Variants in CARS1 observed in about 807,000 individuals in gnomAD.
CARS1 encodes the protein cysteine--tRNA ligase, cytoplasmic.
CARS1 carries 48 observed loss-of-function variants against 106.2 expected under a neutral mutation model. That is an observed-to-expected ratio of 0.45 (90% CI 0.36 to 0.57). The LOEUF (loss-of-function observed/expected upper bound fraction) is 0.57, where lower values mean the gene tolerates loss of function less well. CARS1 is among the 20% of genes least tolerant of loss of function. CARS1 has a pLI of 0.00. For missense variants in CARS1, 968 were observed against 1,057.2 expected (o/e 0.92, Z 1.17); for synonymous variants, 409 against 403.4 (o/e 1.01, Z -0.17).
intron 10 of CARS1, 82 bp downstream of exon 10, chr11:3,026,594 G>T: frequency 2.7e-6 from 4 of 1,493,656 alleles, no homozygotes; most frequent in Non-Finnish European, 1.8e-6. Context: ...GCTCAGCGCA[G>T]CCCCCGTGGC....
At chr11:3,018,777 A>G (rs1319419405) in intron 12 of CARS1, 28 bp from the exon 13 acceptor site, 3 of 1,607,564 alleles carry the variant, frequency 1.9e-6, no homozygotes, top group Non-Finnish European at 2.6e-6. Flanking sequence ...AAGGATGTCA[A>G]CAGTCATGTG....
intron 16 of CARS1, among the ~76,000 whole-genome samples, chr11:3,016,715 G>A (rs1269680237): frequency 6.6e-6 from 1 of 152,036 alleles, no homozygotes; most frequent in Non-Finnish European, 1.5e-5. Context: ...CTGGGCTCAA[G>A]CGAGCCCCTC....
chr11:3,001,784 C>T (rs943039617), intron 22 of CARS1, among the ~76,000 whole-genome samples, 186 bp downstream of exon 22: 1 of 152,188 alleles, frequency 6.6e-6, no homozygotes, highest in African/African-American at 2.4e-5. Flanking sequence ...TGCCTAGCTG[C>T]CTGGGCTGTG....
In CARS1 at chr11:3,019,177, G is replaced by A. The variant is rs1198962798; in HGVS notation, c.1357C>T (p.Arg453Trp). ...AGCTCATTGTCATGGTGGGGGAACC[G>A]GAGGTCGAACCCACCTCCGTGAATG... is the stretch of plus-strand genomic sequence containing the variant. Reference protein sequence around the residue: ...MDIHGGGFDLRFPHHDNELAQ... With the variant: ...MDIHGGGFDLWFPHHDNELAQ... The change falls in exon 12 of 23, where the codon CGG becomes TGG. Residue 453 changes from arginine (R) to tryptophan (W), a missense_variant. Transcript: ENST00000380525. The surrounding 1 kb of genome is among the most constrained non-coding windows in gnomAD (Gnocchi z 6.2). 5 of 1,526,966 alleles carry A rather than the reference G, an allele frequency of 3.3e-6. No homozygotes were observed. The highest frequency in any genetic ancestry group is 1.3e-5 in the South Asian group (1 of 76,726). 94.6% of individuals were successfully genotyped at this position (1,526,966 alleles called of 1,614,324 possible). A position where few individuals can be genotyped will look rare whatever the true frequency, so the allele number is the denominator to read the frequency against.
rs2134151603 is a variant in CARS1 at position 3,019,508 on chromosome 11, A to G, written c.1267-241T>C. Among the ~76,000 whole-genome samples, 1 of 152,322 alleles carries G rather than the reference A, an allele frequency of 6.6e-6. No homozygotes were observed. Among genetic ancestry groups the G allele is most frequent in the South Asian group, 2.1e-4 (1 of 4,828 alleles). On this transcript the variant is annotated intron_variant, in intron 11 of 22. Transcript: ENST00000380525. This position sits in a 1 kb window ranked among gnomAD's most constrained non-coding sequence, Gnocchi z 6.2. ...CAGGAGTTCAAGACCAGCCTGGCCAACATGGTGAAACCCCGTCTCTACTAA... is the reference window on the plus strand; with the variant it reads ...CAGGAGTTCAAGACCAGCCTGGCCAGCATGGTGAAACCCCGTCTCTACTAA...
Position 3,030,207 on chromosome 11 carries a change from T to C in CARS1, c.802-764A>G, listed in dbSNP as rs1439503525. Reference sequence around the variant, plus strand: ...GGAAGGGGAGGCAAAGAACCAAGGCTGGAGAGAAAAAGTGTAGGAAAATGG... The same window carrying C: ...GGAAGGGGAGGCAAAGAACCAAGGCCGGAGAGAAAAAGTGTAGGAAAATGG... On this transcript the variant is annotated intron_variant, in intron 7 of 22. Transcript: ENST00000380525. This position sits in a 1 kb window ranked among gnomAD's most constrained non-coding sequence, Gnocchi z 5.7. The C allele has an allele frequency of 6.6e-6, 1 of 152,010 alleles. No individual in the cohort carries two copies. The highest frequency in any genetic ancestry group is 1.5e-5 in the Non-Finnish European group (1 of 68,178). The allele number at this position is 152,010 out of a possible 1,614,324, so 9.4% of individuals were successfully genotyped here.
At position 3,008,591 on chromosome 11, in the gene CARS1, C is replaced by G. The variant is rs990852101; in HGVS notation, c.2069-1632G>C. Reference sequence around the variant, plus strand: ...CCAAGATGACACCACTGCACTCCAGCCTAGCGACAGGGCAAGACTCCATCT... The same window carrying G: ...CCAAGATGACACCACTGCACTCCAGGCTAGCGACAGGGCAAGACTCCATCT... On this transcript the variant is annotated intron_variant, in intron 18 of 22. Transcript: ENST00000380525. This position sits in a 1 kb window ranked among gnomAD's most constrained non-coding sequence, Gnocchi z 5.1. 2.0e-5 allele frequency: 3 copies of G among 150,234 alleles called. No homozygotes were observed. The highest frequency in any genetic ancestry group is 2.9e-5 in the Non-Finnish European group (2 of 67,798). 9.3% of individuals were successfully genotyped at this position (150,234 alleles called of 1,614,324 possible).
Position 3,028,222 on chromosome 11 carries a change from C to G in CARS1, c.1031+774G>C, listed in dbSNP as rs984234273. ...ACGTGACCCACGTGGCCTTACCTAT[C>G]ATTGAAGATGGCTCACTCTCCTTAA... On this transcript the variant is annotated intron_variant, in intron 9 of 22. Coordinates refer to ENST00000380525, the MANE Select transcript of CARS1 (RefSeq NM_001014437.3). The surrounding 1 kb of genome is among the most constrained non-coding windows in gnomAD (Gnocchi z 4.4). The G allele has an allele frequency of 2.6e-6, 1 of 379,804 alleles. No homozygotes were observed. The highest frequency in any genetic ancestry group is 4.9e-6 in the Non-Finnish European group (1 of 202,218). 23.5% of individuals were successfully genotyped at this position (379,804 alleles called of 1,614,324 possible). A position where few individuals can be genotyped will look rare whatever the true frequency, so the allele number is the denominator to read the frequency against.
intron 7 of CARS1, among the ~76,000 whole-genome samples, chr11:3,035,086 C>T (rs1372689281): frequency 6.6e-6 from 1 of 152,120 alleles, no homozygotes; most frequent in Non-Finnish European, 1.5e-5. Flanking sequence ...TTCATGAGGG[C>T]AGAGCTCTCA....
Position 3,022,184 on chromosome 11 carries a change from C to G in CARS1, c.1154-1852G>C, listed in dbSNP as rs1019774503. Among the ~76,000 whole-genome samples the G allele has an allele frequency of 6.6e-6, 1 of 152,208 alleles. No homozygotes were observed. The highest frequency in any genetic ancestry group is 1.5e-5 in the Non-Finnish European group (1 of 68,042). Reference sequence around the variant, plus strand: ...TCACATAGCACGCTGACCACCTGCTCCACCACTGTTCCTAGCGATAGAATC... The same window carrying G: ...TCACATAGCACGCTGACCACCTGCTGCACCACTGTTCCTAGCGATAGAATC... On this transcript the variant is annotated intron_variant, in intron 10 of 22. Coordinates refer to ENST00000380525, the MANE Select transcript of CARS1 (RefSeq NM_001014437.3). The surrounding 1 kb of genome is among the most constrained non-coding windows in gnomAD (Gnocchi z 4.9).
At chr11:3,051,144 C>A (rs1855644817) in intron 1 of CARS1, among the ~76,000 whole-genome samples, 1 of 152,242 alleles carries the variant, frequency 6.6e-6, no homozygotes, top group African/African-American at 2.4e-5. Flanking sequence ...CCGGCCACAG[C>A]CTCTGCTGCT....
rs551131091 is a variant in CARS1, at chr11:3,029,498, A to T, written c.802-55T>A. On this transcript the variant is annotated intron_variant, in intron 7 of 22. Coordinates refer to ENST00000380525, the MANE Select transcript of CARS1 (RefSeq NM_001014437.3). This position sits in a 1 kb window ranked among gnomAD's most constrained non-coding sequence, Gnocchi z 5.9. ...CGGGCCACACACTTCACATGAGAACATCTCGTGCAGCTGGTGTGAGCCCAT... is the reference window on the plus strand; with the variant it reads ...CGGGCCACACACTTCACATGAGAACTTCTCGTGCAGCTGGTGTGAGCCCAT... 8.8e-6 allele frequency: 14 copies of T among 1,591,222 alleles called. No individual in the cohort carries two copies. The highest frequency in any genetic ancestry group is 1.2e-5 in the Non-Finnish European group (14 of 1,168,026).
In CARS1 at chr11:3,034,229, TTTTG is replaced by T. The variant is rs1333679779; in HGVS notation, c.801+3817_801+3820del. Among the ~76,000 whole-genome samples, 4 of 130,268 alleles carry T rather than the reference TTTTG, an allele frequency of 3.1e-5. No individual in the cohort carries two copies. Among genetic ancestry groups the T allele is most frequent in the Non-Finnish European group, 7.1e-5 (4 of 56,602 alleles). The allele number at this position is 130,268 out of a possible 152,430, so 85.5% of individuals were successfully genotyped here. On this transcript the variant is annotated intron_variant, in intron 7 of 22. Transcript: ENST00000380525. The surrounding 1 kb of genome is among the most constrained non-coding windows in gnomAD (Gnocchi z 6.3). ...GTTTTCTGTTTTTTGTTTTGTTTTG[TTTTG>T]TTTTTTTGAGACAGTCTCACTCTGT... is the stretch of plus-strand genomic sequence containing the variant.
At chr11:3,033,913 G>C (rs1046798981) in intron 7 of CARS1, among the ~76,000 whole-genome samples, 2 of 152,152 alleles carry the variant, frequency 1.3e-5, no homozygotes, top group Non-Finnish European at 2.9e-5. Context: ...ACTCCTGCAG[G>C]ACTGGGCAAT....
At position 3,017,749 on chromosome 11, in the gene CARS1, T is replaced by A. The variant is rs368068066; in HGVS notation, c.1727+108A>T. On this transcript the variant is annotated intron_variant, in intron 15 of 22. Coordinates refer to ENST00000380525, the MANE Select transcript of CARS1 (RefSeq NM_001014437.3). This position sits in a 1 kb window ranked among gnomAD's most constrained non-coding sequence, Gnocchi z 4.9. The stretch of plus-strand genomic sequence containing the variant: ...ATTAATTCTGCACAACGTACGACAG[T>A]GTCCCCAGCCCTTCCTCGACAGTCC... The A allele has an allele frequency of 2.7e-6, 2 of 735,314 alleles. No individual in the cohort carries two copies. The highest frequency in any genetic ancestry group is 1.6e-5 in the South Asian group (1 of 61,150). 45.5% of individuals were successfully genotyped at this position (735,314 alleles called of 1,614,324 possible).
In CARS1 at chr11:3,038,003, C is replaced by T. The variant is rs1263215194; in HGVS notation, c.801+47G>A. The T allele has an allele frequency of 5.1e-6, 8 of 1,583,362 alleles. No individual in the cohort carries two copies. The highest frequency in any genetic ancestry group is 6.0e-6 in the Non-Finnish European group (7 of 1,157,954). ...CACACAGATCAGTCTATGCACGGCC[C>T]GACATTTGACCCGAACGGGCTGTCT... On this transcript the variant is annotated intron_variant, in intron 7 of 22. Coordinates refer to ENST00000380525, the MANE Select transcript of CARS1 (RefSeq NM_001014437.3). This position sits in a 1 kb window ranked among gnomAD's most constrained non-coding sequence, Gnocchi z 4.0.
intron 9 of CARS1, chr11:3,027,953 C>T (rs557425138): frequency 7.8e-5 from 34 of 435,422 alleles, no homozygotes; most frequent in African/African-American, 5.4e-4. Flanking sequence ...GAGTCAGGCT[C>T]GCCCGCAGTT....
At position 3,043,201 on chromosome 11, in the gene CARS1, C is replaced by A. The variant is rs1455511500; in HGVS notation, c.275-945G>T. On this transcript the variant is annotated intron_variant, in intron 2 of 22. Transcript: ENST00000380525. This position sits in a 1 kb window ranked among gnomAD's most constrained non-coding sequence, Gnocchi z 4.0. ...ACTGCTTCCAGGCCTGGCTTCCAAC[C>A]TGGCACAAGGCTGTCCTTACACAAC... is the stretch of plus-strand genomic sequence containing the variant. 6.6e-6 allele frequency among the ~76,000 whole-genome samples: 1 copy of A among 152,100 alleles called. No homozygotes were observed. Among genetic ancestry groups the A allele is most frequent in the Admixed American group, 6.5e-5 (1 of 15,272 alleles).
chr11:3,047,987 A>AC lies in CARS1; in HGVS notation c.39dup (p.Ser14ValfsTer6). ...GCCTCGTCACTAATGCTCAGAATGG[A>AC]CCTGTAGTCAGGAGCTGCAAAGACA... On this transcript the variant is annotated frameshift_variant, in exon 2 of 23. Coordinates refer to ENST00000380525, the MANE Select transcript of CARS1 (RefSeq NM_001014437.3). LOFTEE classifies it high-confidence loss of function. 1 of 1,613,472 alleles carries AC rather than the reference A, an allele frequency of 6.2e-7. No homozygotes were observed. Among genetic ancestry groups the AC allele is most frequent in the East Asian group, 2.2e-5 (1 of 44,842 alleles).
Sources: allele counts gnomAD v4.1 joint callset (sites outside exome capture counted in the v4.1 genomes callset), GRCh38; gene constraint gnomAD v4.1.1; non-coding constraint Gnocchi (gnomAD v3.1); transcripts MANE v1.5; gene names NCBI Gene and HGNC (gene_info 2026-07-23, HGNC 2026-07-21).